Variants in CRYZL1 observed in about 807,000 individuals in gnomAD.
CRYZL1 encodes the protein ferry endosomal RAB5 effector complex subunit 4.
Under a neutral mutation model 50.6 loss-of-function variants are expected in CRYZL1, and 34 were observed. That is an observed-to-expected ratio of 0.67 (90% confidence interval 0.51 to 0.89). The LOEUF is 0.89. Among genes scored for constraint, CRYZL1 ranks in the 40% least tolerant of loss-of-function variants. The probability of loss-of-function intolerance (pLI) is 0.00; values close to 1 mark genes in which losing one functional copy is unlikely to be tolerated. For missense variants in CRYZL1, 354 were observed against 402.3 expected (o/e 0.88, Z 1.03); for synonymous variants, 125 against 134.3 (o/e 0.93, Z 0.48).
intron 2 of CRYZL1, among the ~76,000 whole-genome samples, chr21:33,628,726 C>T (rs2087100119): frequency 6.6e-6 from 1 of 151,632 alleles, no homozygotes; most frequent in Admixed American, 6.6e-5. Flanking sequence ...CTTAGCCTCC[C>T]AAGTAGCTGG....
chr21:33,618,252 GCACTC>G (rs2086957290), intron 4 of CRYZL1, among the ~76,000 whole-genome samples: 1 of 132,346 alleles, frequency 7.6e-6, no homozygotes, highest in South Asian at 2.3e-4. Context: ...CTGCGCCACT[GCACTC>G]CAGCCTGGGT....
chr21:33,599,309 C>CTT, intron 8 of CRYZL1, 61 bp from the exon 9 acceptor site: 1 of 1,609,222 alleles, frequency 6.2e-7, no homozygotes, highest in South Asian at 1.1e-5. Context: ...ACAAACAAAT[C>CTT]AGGGAAAAAG....
intron 1 of CRYZL1, among the ~76,000 whole-genome samples, chr21:33,634,613 A>C (rs983074898): frequency 1.2e-4 from 18 of 151,938 alleles, no homozygotes; most frequent in Non-Finnish European, 2.1e-4. Flanking sequence ...ATAAAAAAAA[A>C]AACAACTCTG....
intron 2 of CRYZL1, among the ~76,000 whole-genome samples, chr21:33,626,810 C>T (rs2087070713): frequency 6.6e-6 from 1 of 152,052 alleles, no homozygotes; most frequent in African/African-American, 2.4e-5. Flanking sequence ...ATCTAAACAA[C>T]TGAACCTGGT....
intron 1 of CRYZL1, among the ~76,000 whole-genome samples, chr21:33,633,046 G>T (rs1293041635): frequency 6.6e-6 from 1 of 152,072 alleles, no homozygotes; most frequent in Admixed American, 6.5e-5. Flanking sequence ...TCTCACTCAT[G>T]TTGTTACTTG....
intron 5 of CRYZL1, among the ~76,000 whole-genome samples, chr21:33,615,747 C>T (rs980407941): frequency 8.5e-5 from 13 of 152,134 alleles, no homozygotes; most frequent in South Asian, 4.1e-4. Context: ...TCAGTTGAAA[C>T]GGTGCATGGA....
Position 33,603,450 on chromosome 21 carries a change from G to A in CRYZL1, c.419C>T (p.Ser140Phe). ...VRAYTALHYL[S>F]HLSPGKSVLI... is the part of the protein sequence containing the mutation. ...CACTGATTTTCCAGGAGAGAGATGA[G>A]AAAGATAATGCAGAGCTGTATAGGC... is the stretch of plus-strand genomic sequence containing the variant. The change falls in exon 7 of 13, where the codon TCT becomes TTT. Residue 140 changes from serine to phenylalanine, a missense_variant. Ser to Phe is a radical substitution (Grantham distance 155, BLOSUM62 -2). Transcript: ENST00000381554. 6.2e-7 allele frequency: 1 copy of A among 1,614,168 alleles called. No individual in the cohort carries two copies. Among genetic ancestry groups the A allele is most frequent in the Non-Finnish European group, 8.5e-7 (1 of 1,180,026 alleles).
chr21:33,627,923 T>C (rs1453623022), intron 2 of CRYZL1, among the ~76,000 whole-genome samples: 1 of 152,046 alleles, frequency 6.6e-6, no homozygotes, highest in Non-Finnish European at 1.5e-5. Context: ...TTTTTTTTAT[T>C]TTTAGTAGAG....
intron 6 of CRYZL1, among the ~76,000 whole-genome samples, chr21:33,606,012 T>C (rs924728544): frequency 1.3e-5 from 2 of 152,144 alleles, no homozygotes; most frequent in African/African-American, 4.8e-5. Flanking sequence ...CATGTTGAAA[T>C]GCTCAGACAA....
At chr21:33,622,200 A>G in intron 3 of CRYZL1, 132 bp from the exon 4 acceptor site, 1 of 688,624 alleles carries the variant, frequency 1.5e-6, no homozygotes, top group Middle Eastern at 3.0e-4. Flanking sequence ...GAACTGAGAC[A>G]AAGCAAATAA....
At chr21:33,609,287 T>A (rs145515973) in intron 6 of CRYZL1, among the ~76,000 whole-genome samples, 2 of 152,262 alleles carry the variant, frequency 1.3e-5, no homozygotes, top group African/African-American at 4.8e-5. Flanking sequence ...CTGCACACTG[T>A]TGTTTCCTTT....
chr21:33,610,727 GTTTTTTTT>G (rs747790692), intron 6 of CRYZL1, among the ~76,000 whole-genome samples: 1 of 101,478 alleles, frequency 9.9e-6, no homozygotes, highest in Non-Finnish European at 2.0e-5. Context: ...TTGTTTGGTT[GTTTTTTTT>G]TTTTTTTTTT....
At chr21:33,626,008 C>CA (rs2060139668) in intron 2 of CRYZL1, among the ~76,000 whole-genome samples, 1 of 151,518 alleles carries the variant, frequency 6.6e-6, no homozygotes, top group East Asian at 2.0e-4. Context: ...GGCTGGAGTG[C>CA]AGTGGCGCAA....
chr21:33,612,580 C>T (rs140441554), intron 6 of CRYZL1, among the ~76,000 whole-genome samples: 2 of 152,296 alleles, frequency 1.3e-5, no homozygotes, highest in Admixed American at 6.5e-5. Context: ...TGAGCCGCTG[C>T]GCCTGGCTGA....
chr21:33,608,131 C>T (rs1380214493), intron 6 of CRYZL1, among the ~76,000 whole-genome samples: 2 of 152,180 alleles, frequency 1.3e-5, no homozygotes, highest in Non-Finnish European at 2.9e-5. Context: ...TAACTATACT[C>T]ACCATGCTGT....
chr21:33,622,345 C>T (rs1427826239), intron 3 of CRYZL1, among the ~76,000 whole-genome samples: 1 of 152,108 alleles, frequency 6.6e-6, no homozygotes, highest in African/African-American at 2.4e-5. Flanking sequence ...TTTACTCTGC[C>T]AAGTATGAAG....
intron 9 of CRYZL1, among the ~76,000 whole-genome samples, chr21:33,597,723 C>CT (rs766821188): frequency 1.0e-3 from 157 of 152,360 alleles, no homozygotes; most frequent in Non-Finnish European, 1.9e-3. Flanking sequence ...CGCCATCCTC[C>CT]TGCCTCAGCC....
chr21:33,598,551 T>C (rs1312060717), intron 9 of CRYZL1, among the ~76,000 whole-genome samples: 1 of 152,202 alleles, frequency 6.6e-6, no homozygotes, highest in South Asian at 2.1e-4. Context: ...ATTTTCCAAA[T>C]AGAGACTGCA....
intron 3 of CRYZL1, among the ~76,000 whole-genome samples, chr21:33,623,396 A>G (rs2087024541): frequency 6.6e-6 from 1 of 152,172 alleles, no homozygotes; most frequent in African/African-American, 2.4e-5. Context: ...TGCTTAACAG[A>G]TGTGCAATAT....
Sources: allele counts gnomAD v4.1 joint callset (sites outside exome capture counted in the v4.1 genomes callset), GRCh38; gene constraint gnomAD v4.1.1; transcripts MANE v1.5; gene names NCBI Gene and HGNC (gene_info 2026-07-23, HGNC 2026-07-21).